Variants in GPC5 observed in about 807,000 individuals in gnomAD.
GPC5 encodes the protein glypican 5.
Under a neutral mutation model 53.9 loss-of-function variants are expected in GPC5, and 47 were observed. That is an observed-to-expected ratio of 0.87 (90% confidence interval 0.69 to 1.11). The LOEUF (loss-of-function observed/expected upper bound fraction) is 1.11, where lower values mean the gene tolerates loss of function less well. Among genes scored for constraint, GPC5 ranks in the 50% most tolerant of loss-of-function variants. The pLI, the probability that GPC5 is intolerant of heterozygous loss-of-function variation, is 0.00. For missense variants in GPC5, 748 were observed against 713.1 expected (o/e 1.05, Z -0.56); for synonymous variants, 286 against 263.3 (o/e 1.09, Z -0.84).
intron 6 of GPC5, among the ~76,000 whole-genome samples, chr13:92,018,463 G>A (rs906636689): frequency 7.9e-5 from 12 of 151,966 alleles, no homozygotes; most frequent in Non-Finnish European, 1.6e-4. Context: ...AAAACGTAAC[G>A]TGCCTGTTTT....
At chr13:92,633,505 G>T (rs571608762) in intron 7 of GPC5, among the ~76,000 whole-genome samples, 4 of 152,064 alleles carry the variant, frequency 2.6e-5, no homozygotes, top group African/African-American at 9.7e-5. Context: ...GCTCACTTGG[G>T]TATTAAAGGT....
chr13:91,951,794 C>A (rs1452696861), intron 6 of GPC5, among the ~76,000 whole-genome samples: 1 of 151,950 alleles, frequency 6.6e-6, no homozygotes, highest in African/African-American at 2.4e-5. Context: ...AAAGTAATTC[C>A]GTTTTGGTCT....
intron 7 of GPC5, among the ~76,000 whole-genome samples, chr13:92,308,235 C>G (rs1019300078): frequency 6.6e-6 from 1 of 152,124 alleles, no homozygotes; most frequent in Non-Finnish European, 1.5e-5. Context: ...TAAAACCCAA[C>G]TCATAGGGTT....
rs137894661 is a variant in GPC5 at position 92,105,437 on chromosome 13, C to T, written c.1402-39393C>T. Among the ~76,000 whole-genome samples, 245 of 152,016 alleles carry T rather than the reference C, an allele frequency of 1.6e-3. 1 individual carries two copies. The highest frequency in any genetic ancestry group is 5.6e-3 in the African/African-American group (233 of 41,484). ...TTTCACACTTTCATTTGATATTTAC[C>T]GAATATTTTCAGGACTAGTTCATGT... On this transcript the variant is annotated intron_variant, in intron 6 of 7. Coordinates refer to ENST00000377067, the MANE Select transcript of GPC5 (RefSeq NM_004466.6).
intron 2 of GPC5, among the ~76,000 whole-genome samples, chr13:91,640,329 C>G (rs1431634915): frequency 6.6e-6 from 1 of 152,078 alleles, no homozygotes; most frequent in East Asian, 1.9e-4. Context: ...AAAGACATGA[C>G]AGATACTTCT....
At chr13:91,908,108 G>T (rs764645419) in intron 6 of GPC5, 51 bp downstream of exon 6, 5 of 1,318,108 alleles carry the variant, frequency 3.8e-6, no homozygotes, top group South Asian at 1.8e-5. Context: ...AATAATAAGT[G>T]GTTACTTTCT....
intron 5 of GPC5, among the ~76,000 whole-genome samples, chr13:91,770,495 C>T (rs73609150): frequency 6.6e-6 from 1 of 152,164 alleles, no homozygotes; most frequent in African/African-American, 2.4e-5. Flanking sequence ...GAAATTATCT[C>T]ATTAGAAAAA....
chr13:92,606,309 T>C (rs1244850213), intron 7 of GPC5, among the ~76,000 whole-genome samples: 2 of 152,126 alleles, frequency 1.3e-5, no homozygotes, highest in Admixed American at 6.5e-5. Context: ...CATTGTTCAA[T>C]TCCCACCTAT....
chr13:92,217,638 G>T (rs2042420327), intron 7 of GPC5, among the ~76,000 whole-genome samples: 1 of 152,156 alleles, frequency 6.6e-6, no homozygotes, highest in East Asian at 1.9e-4. Context: ...CCAGAGCAGT[G>T]GTCCCTGTAT....
At chr13:91,961,159 C>T (rs910868915) in intron 6 of GPC5, among the ~76,000 whole-genome samples, 1 of 151,890 alleles carries the variant, frequency 6.6e-6, no homozygotes, top group African/African-American at 2.4e-5. Context: ...TGACAAGTGG[C>T]TAATGTCCAG....
chr13:92,204,429 C>T (rs1325903114), intron 7 of GPC5, among the ~76,000 whole-genome samples: 1 of 152,158 alleles, frequency 6.6e-6, no homozygotes, highest in Non-Finnish European at 1.5e-5. Flanking sequence ...AAGAACTAGC[C>T]AAACTCCAAA....
intron 5 of GPC5, among the ~76,000 whole-genome samples, chr13:91,835,464 T>C (rs1257664317): frequency 6.6e-6 from 1 of 152,164 alleles, no homozygotes; most frequent in Non-Finnish European, 1.5e-5. Flanking sequence ...CTATTCACAA[T>C]AGCAAAAACT....
At chr13:91,541,744 G>A (rs1017537537) in intron 2 of GPC5, among the ~76,000 whole-genome samples, 2 of 151,822 alleles carry the variant, frequency 1.3e-5, no homozygotes, top group Non-Finnish European at 2.9e-5. Context: ...CTTAAATTAT[G>A]TTTTTGTTAA....
At position 92,411,278 on chromosome 13, in the gene GPC5, A is replaced by T. The variant is rs1158918408; in HGVS notation, c.1561+266289A>T. On this transcript the variant is annotated intron_variant, in intron 7 of 7. Transcript: ENST00000377067. ...TAGCGAGACTCTATCTCAAAAAGAT[A>T]AAAAAAAAGAATGCTTACTTGAGAT... Among the ~76,000 whole-genome samples, 7 of 147,984 alleles carry T rather than the reference A, an allele frequency of 4.7e-5. No homozygotes were observed. The South Asian group carries it at 8.3e-4, about 18-fold the overall frequency.
intron 6 of GPC5, among the ~76,000 whole-genome samples, chr13:92,027,443 G>A (rs538206421): frequency 1.4e-4 from 22 of 152,266 alleles, no homozygotes; most frequent in African/African-American, 5.3e-4. Flanking sequence ...AGGCCCTGCT[G>A]TACATTGTTT....
chr13:92,479,752 C>A (rs1481903920), intron 7 of GPC5, among the ~76,000 whole-genome samples: 1 of 152,138 alleles, frequency 6.6e-6, no homozygotes, highest in Non-Finnish European at 1.5e-5. Flanking sequence ...GGCTCTAGCA[C>A]ACAAAGTGAT....
In GPC5 at chr13:91,776,207, G is replaced by A. The variant is rs139452627; in HGVS notation, c.1280+19787G>A. Among the ~76,000 whole-genome samples the A allele has an allele frequency of 3.9e-5, 6 of 152,246 alleles. No individual in the cohort carries two copies. In the East Asian group the frequency reaches 1.2e-3, roughly 29 times the overall value. On this transcript the variant is annotated intron_variant, in intron 5 of 7. Coordinates refer to ENST00000377067, the MANE Select transcript of GPC5 (RefSeq NM_004466.6). ...AATTGTGGGTGCAGCAGCACTGTGGGTGCAGCAGCTTGGTGCCTCCCTCAG... is the reference window on the plus strand; with the variant it reads ...AATTGTGGGTGCAGCAGCACTGTGGATGCAGCAGCTTGGTGCCTCCCTCAG...
intron 7 of GPC5, among the ~76,000 whole-genome samples, chr13:92,549,178 T>A (rs1227747513): frequency 6.6e-6 from 1 of 152,078 alleles, no homozygotes; most frequent in African/African-American, 2.4e-5. Context: ...TAAGGTCCAT[T>A]CTGCAAAGAT....
chr13:92,006,497 C>T (rs955900385), intron 6 of GPC5, among the ~76,000 whole-genome samples: 3 of 152,130 alleles, frequency 2.0e-5, no homozygotes, highest in Admixed American at 1.3e-4. Flanking sequence ...AGTTTTGAAA[C>T]TCCACTTGTC....
Sources: gnomAD v4.1 joint callset for allele counts (sites outside exome capture counted in the v4.1 genomes callset) on GRCh38, gnomAD v4.1.1 for gene constraint, MANE v1.5 for transcripts, NCBI Gene and HGNC (gene_info 2026-07-23, HGNC 2026-07-21) for gene names.